The following CALN1 variants were observed in gnomAD, a reference collection of about 807,000 sequenced individuals.
CALN1 encodes the protein calneuron 1, also known as calcium-binding protein 8.
A neutral mutation model predicts 30.6 loss-of-function variants in CALN1; 17 were observed. The ratio of observed to expected loss-of-function variants is 0.56; its 90% CI spans 0.38 to 0.83. CALN1 has a LOEUF of 0.83. Among genes scored for constraint, CALN1 ranks in the 40% least tolerant of loss-of-function variants. The pLI is 0.00. For missense variants in CALN1, 291 were observed against 354.9 expected (o/e 0.82, Z 1.45); for synonymous variants, 156 against 131.4 (o/e 1.19, Z -1.28).
At chr7:71,888,488 A>AAAAAAC (rs1793051423) in intron 5 of CALN1, among the ~76,000 whole-genome samples, 1 of 119,632 alleles carries the variant, frequency 8.4e-6, no homozygotes, top group Admixed American at 8.6e-5. Context: ...GCAAAAAAAC[A>AAAAAAC]AAAAAACAAA....
Position 72,404,714 on chromosome 7 carries a change from G to A in CALN1, c.-73-1272C>T, listed in dbSNP as rs142645968. On this transcript the variant is annotated intron_variant, in intron 1 of 6. Transcript: ENST00000395275. ...AGAGGTGCATGCTCATGCCTGGGAA[G>A]TGGTCTCCTATCAAAGTCAGCTCTT... Among the ~76,000 whole-genome samples, 219 of 152,316 alleles carry A rather than the reference G, an allele frequency of 1.4e-3. 1 individual carries two copies. The highest frequency in any genetic ancestry group is 4.7e-3 in the African/African-American group (194 of 41,576).
intron 3 of CALN1, among the ~76,000 whole-genome samples, chr7:72,271,573 A>T (rs1449520089): frequency 1.0e-3 from 24 of 23,498 alleles, no homozygotes; most frequent in South Asian, 6.2e-3. Flanking sequence ...TTAAAAAAAA[A>T]AAATATATAT....
intron 5 of CALN1, among the ~76,000 whole-genome samples, chr7:71,951,313 C>T (rs1257066790): frequency 1.3e-5 from 2 of 152,134 alleles, no homozygotes; most frequent in African/African-American, 4.8e-5. Context: ...CAGAAACGGC[C>T]GGGCGCATGG....
chr7:72,205,808 A>G (rs928347362), intron 3 of CALN1, among the ~76,000 whole-genome samples: 2 of 151,828 alleles, frequency 1.3e-5, no homozygotes, highest in Non-Finnish European at 2.9e-5. Flanking sequence ...CTGTGATTTC[A>G]TATTTTATAT....
Position 72,037,719 on chromosome 7 carries a change from C to T in CALN1, c.389-13950G>A, listed in dbSNP as rs180789086. On this transcript the variant is annotated intron_variant, in intron 4 of 6. Transcript: ENST00000395275. ...TACACAGCTTCCTGAAACACTAGTACAGGGTTGTGGGTGGGGAATGGGGAG... is the reference window on the plus strand; with the variant it reads ...TACACAGCTTCCTGAAACACTAGTATAGGGTTGTGGGTGGGGAATGGGGAG... Among the ~76,000 whole-genome samples, 15 of 152,046 alleles carry T rather than the reference C, an allele frequency of 9.9e-5. No individual in the cohort carries two copies. In the East Asian group the frequency reaches 2.5e-3, roughly 26 times the overall value.
chr7:72,115,799 T>C (rs2129541862), intron 3 of CALN1, among the ~76,000 whole-genome samples: 1 of 152,136 alleles, frequency 6.6e-6, no homozygotes, highest in East Asian at 1.9e-4. Flanking sequence ...TACATTCTTT[T>C]TTATTTCCAT....
chr7:72,183,625 G>A (rs1230179340), intron 3 of CALN1, among the ~76,000 whole-genome samples: 3 of 152,188 alleles, frequency 2.0e-5, no homozygotes, highest in East Asian at 3.9e-4. Context: ...AAATCACAGT[G>A]CAAATTGATT....
intron 2 of CALN1, among the ~76,000 whole-genome samples, chr7:72,353,135 T>TGC (rs1020408255): frequency 2.0e-5 from 3 of 152,310 alleles, no homozygotes; most frequent in Admixed American, 2.0e-4. Context: ...AATTCCTCTG[T>TGC]GCCCAGATGG....
At chr7:71,828,040 C>T (rs1009346885) in intron 5 of CALN1, among the ~76,000 whole-genome samples, 4 of 152,080 alleles carry the variant, frequency 2.6e-5, no homozygotes, top group African/African-American at 4.8e-5. Context: ...ATAAACGTTT[C>T]TCCTTTTAAA....
At chr7:71,839,458 G>A (rs929970329) in intron 5 of CALN1, among the ~76,000 whole-genome samples, 6 of 152,192 alleles carry the variant, frequency 3.9e-5, no homozygotes, top group Non-Finnish European at 8.8e-5. Flanking sequence ...CCTGAACCCA[G>A]GAGGTGGCAG....
chr7:72,058,516 A>T (rs1044339875), intron 4 of CALN1, among the ~76,000 whole-genome samples: 3 of 151,686 alleles, frequency 2.0e-5, no homozygotes, highest in Non-Finnish European at 4.4e-5. Context: ...ATGGGGTTTC[A>T]CCATGTTGGT....
At chr7:72,392,020 G>C (rs1316061498) in intron 2 of CALN1, among the ~76,000 whole-genome samples, 1 of 152,196 alleles carries the variant, frequency 6.6e-6, no homozygotes, top group African/African-American at 2.4e-5. Flanking sequence ...ACAAGGTTAA[G>C]TCCTAAAATG....
intron 2 of CALN1, among the ~76,000 whole-genome samples, chr7:72,402,414 C>T (rs911581281): frequency 5.3e-5 from 8 of 152,228 alleles, no homozygotes; most frequent in African/African-American, 1.9e-4. Context: ...ACCATATACA[C>T]TTACAGTCGC....
chr7:72,385,278 C>G (rs1356212976), intron 2 of CALN1, among the ~76,000 whole-genome samples: 1 of 152,180 alleles, frequency 6.6e-6, no homozygotes, highest in Non-Finnish European at 1.5e-5. Flanking sequence ...TCACATGATT[C>G]AGCAAACAGG....
intron 5 of CALN1, among the ~76,000 whole-genome samples, chr7:71,908,177 C>G (rs1794241254): frequency 6.6e-6 from 1 of 152,166 alleles, no homozygotes; most frequent in South Asian, 2.1e-4. Flanking sequence ...CTCCTGAACC[C>G]TTTGGTGGCC....
intron 4 of CALN1, among the ~76,000 whole-genome samples, chr7:72,031,096 C>A (rs11977075): frequency 0.035 from 5,367 of 152,260 alleles, 346 homozygotes; most frequent in African/African-American, 0.12. Flanking sequence ...CAGAAGCTTA[C>A]GCAGGGAGTA....
chr7:72,228,566 TG>T (rs1793851258), intron 3 of CALN1, among the ~76,000 whole-genome samples: 1 of 151,800 alleles, frequency 6.6e-6, no homozygotes, highest in African/African-American at 2.4e-5. Context: ...GGTGCATGGC[TG>T]TGGGCAAATT....
Position 71,900,229 on chromosome 7 carries a change from G to C in CALN1, c.502-89737C>G, listed in dbSNP as rs76396806. ...AGAAAAAGAAAATGCAAATAACTAT[G>C]GTTATTTTTTTAAATGGCTAATTTA... is the stretch of plus-strand genomic sequence containing the variant. On this transcript the variant is annotated intron_variant, in intron 5 of 6. Coordinates refer to ENST00000395275, the MANE Select transcript of CALN1 (RefSeq NM_031468.4). 8.4e-4 allele frequency among the ~76,000 whole-genome samples: 128 copies of C among 152,006 alleles called. 1 individual carries two copies. Among genetic ancestry groups the C allele is most frequent in the African/African-American group, 3.0e-3 (125 of 41,468 alleles).
At chr7:72,157,586 CAG>C (rs1383325777) in intron 3 of CALN1, among the ~76,000 whole-genome samples, 6 of 151,404 alleles carry the variant, frequency 4.0e-5, no homozygotes, top group Non-Finnish European at 7.4e-5. Flanking sequence ...AAAAAAAAAA[CAG>C]GGTATTTTTG....
Sources: gnomAD v4.1 joint callset for allele counts (sites outside exome capture counted in the v4.1 genomes callset) on GRCh38, gnomAD v4.1.1 for gene constraint, MANE v1.5 for transcripts, NCBI Gene and HGNC (gene_info 2026-07-23, HGNC 2026-07-21) for gene names.